Variants in EHBP1 observed in about 807,000 individuals in gnomAD.
EHBP1 encodes the protein EH domain binding protein 1, also known as EH domain-binding protein 1.
A neutral mutation model predicts 144.0 loss-of-function variants in EHBP1; 55 were observed. The ratio of observed to expected loss-of-function variants is 0.38; its 90% CI spans 0.31 to 0.48. The LOEUF (loss-of-function observed/expected upper bound fraction) is 0.48. Ranked by LOEUF, EHBP1 falls within the 20% of genes least tolerant of loss-of-function variation. EHBP1 has a pLI of 0.98. For missense variants in EHBP1, 1,200 were observed against 1,364.2 expected, an observed-to-expected ratio of 0.88 and a Z score of 1.90; for synonymous variants, 469 against 472.7, an observed-to-expected ratio of 0.99 and a Z score of 0.10.
rs548645163 is a variant in EHBP1, at chr2:62,759,567, G to A, written c.163-4699G>A. The stretch of plus-strand genomic sequence containing the variant: ...ATTACAGACGCCCACCACTATGCCG[G>A]CTAATTTTTGTATTTTCAGTAGAGA... On this transcript the variant is annotated intron_variant, in intron 3 of 22. Transcript: ENST00000431489. Among the ~76,000 whole-genome samples the A allele has an allele frequency of 2.3e-4, 35 of 152,050 alleles. No homozygotes were observed. The East Asian group carries it at 2.9e-3, about 13-fold the overall frequency.
intron 5 of EHBP1, among the ~76,000 whole-genome samples, chr2:62,818,582 G>T (rs772966359): frequency 6.6e-6 from 1 of 152,086 alleles, no homozygotes; most frequent in Non-Finnish European, 1.5e-5. Context: ...ATGCATGACT[G>T]TATAGCCTTA....
chr2:62,869,656 G>A (rs2050308559), intron 9 of EHBP1, among the ~76,000 whole-genome samples: 1 of 152,172 alleles, frequency 6.6e-6, no homozygotes, highest in Non-Finnish European at 1.5e-5. Flanking sequence ...GGGGCATGCA[G>A]GAAACTTTTG....
chr2:62,925,168 A>T (rs1245799292), intron 10 of EHBP1, among the ~76,000 whole-genome samples: 1 of 152,334 alleles, frequency 6.6e-6, no homozygotes, highest in South Asian at 2.1e-4. Context: ...ATTGTTCATG[A>T]TAAAACTCTT....
chr2:63,008,472 G>T (rs1437774246), intron 19 of EHBP1, among the ~76,000 whole-genome samples: 1 of 151,266 alleles, frequency 6.6e-6, no homozygotes, highest in Non-Finnish European at 1.5e-5. Flanking sequence ...TGAAAAAAAT[G>T]AAAAGTTTAG....
chr2:62,721,480 A>G, intron 2 of EHBP1, among the ~76,000 whole-genome samples: 1 of 152,228 alleles, frequency 6.6e-6, no homozygotes. Context: ...AGGGAGGAGA[A>G]TTAAGTTTCA....
At chr2:62,840,583 C>A (rs1311354139) in intron 7 of EHBP1, among the ~76,000 whole-genome samples, 2 of 151,492 alleles carry the variant, frequency 1.3e-5, no homozygotes, top group Non-Finnish European at 2.9e-5. Flanking sequence ...TTTTCGCAAC[C>A]TACTCATCTG....
intron 5 of EHBP1, among the ~76,000 whole-genome samples, chr2:62,824,534 A>G (rs563175567): frequency 6.6e-6 from 1 of 152,070 alleles, no homozygotes; most frequent in African/African-American, 2.4e-5. Context: ...GAACACTTGT[A>G]TTGTTTGGTA....
chr2:62,754,497 G>T (rs2040073409), intron 3 of EHBP1, among the ~76,000 whole-genome samples: 1 of 152,176 alleles, frequency 6.6e-6, no homozygotes, highest in South Asian at 2.1e-4. Context: ...CCTGCTAGGA[G>T]AACCACTACT....
At chr2:62,897,564 G>A (rs2053042118) in intron 10 of EHBP1, among the ~76,000 whole-genome samples, 1 of 152,122 alleles carries the variant, frequency 6.6e-6, no homozygotes, top group Non-Finnish European at 1.5e-5. Flanking sequence ...AAAAAATACT[G>A]TCTCTTTAGT....
intron 2 of EHBP1, among the ~76,000 whole-genome samples, chr2:62,741,409 T>C (rs1211294741): frequency 6.6e-6 from 1 of 152,124 alleles, no homozygotes; most frequent in Non-Finnish European, 1.5e-5. Context: ...TTTCATAATA[T>C]TGTTCAAAGG....
At chr2:62,881,418 G>GA (rs371288881) in intron 10 of EHBP1, among the ~76,000 whole-genome samples, 21,425 of 69,652 alleles carry the variant, frequency 0.31, 2,175 homozygotes, top group Non-Finnish European at 0.35. Flanking sequence ...AGGAAAAACG[G>GA]AAAAAAAAAA....
chr2:63,025,392 C>G (rs2060932195), intron 19 of EHBP1, among the ~76,000 whole-genome samples: 1 of 152,202 alleles, frequency 6.6e-6, no homozygotes, highest in Non-Finnish European at 1.5e-5. Context: ...CTCTGAGTGG[C>G]TGGTACTGCA....
intron 6 of EHBP1, among the ~76,000 whole-genome samples, chr2:62,828,006 T>C (rs1203069746): frequency 1.3e-5 from 2 of 152,186 alleles, no homozygotes; most frequent in African/African-American, 4.8e-5. Flanking sequence ...TTTGAAATTG[T>C]CTCCTGTTGA....
At chr2:62,683,326 G>C (rs1376336864) in intron 1 of EHBP1, among the ~76,000 whole-genome samples, 1 of 152,126 alleles carries the variant, frequency 6.6e-6, no homozygotes, top group Non-Finnish European at 1.5e-5. Context: ...GTCTTGGCTT[G>C]GGTCATGTGC....
At chr2:62,706,164 C>A in intron 1 of EHBP1, 112 bp downstream of exon 1, 1 of 153,428 alleles carries the variant, frequency 6.5e-6, no homozygotes, top group South Asian at 1.9e-4. Flanking sequence ...CACCGCCTGT[C>A]TCCGCTGGGG....
At chr2:62,782,935 G>A (rs1307279872) in intron 5 of EHBP1, among the ~76,000 whole-genome samples, 1 of 152,130 alleles carries the variant, frequency 6.6e-6, no homozygotes, top group African/African-American at 2.4e-5. Context: ...TCCGAGACAA[G>A]GCAAGTCCCT....
At position 62,782,571 on chromosome 2, in the gene EHBP1, C is replaced by T. The variant is rs140592328; in HGVS notation, c.312+11179C>T. 2.4e-4 allele frequency among the ~76,000 whole-genome samples: 37 copies of T among 152,216 alleles called. No individual in the cohort carries two copies. The East Asian group carries it at 5.6e-3, about 23-fold the overall frequency. On this transcript the variant is annotated intron_variant, in intron 5 of 22. Coordinates refer to ENST00000431489, the MANE Select transcript of EHBP1 (RefSeq NM_001142616.3). ...GGCTGGGGAGGCCTCAGGAAACTTA[C>T]AGTCATAGTGGAAGGCACCTCTTCA...
At chr2:63,000,697 C>A (rs1054781151) in intron 19 of EHBP1, among the ~76,000 whole-genome samples, 1 of 152,036 alleles carries the variant, frequency 6.6e-6, no homozygotes, top group African/African-American at 2.4e-5. Flanking sequence ...AAAACTCTGT[C>A]TCAAAACAAC....
intron 12 of EHBP1, among the ~76,000 whole-genome samples, chr2:62,947,258 T>C (rs772563904): frequency 6.6e-6 from 1 of 152,202 alleles, no homozygotes; most frequent in Non-Finnish European, 1.5e-5. Flanking sequence ...TTCTTACTTG[T>C]TCCATAATGT....
Sources: gnomAD v4.1 joint callset for allele counts (sites outside exome capture counted in the v4.1 genomes callset) on GRCh38, gnomAD v4.1.1 for gene constraint, MANE v1.5 for transcripts, NCBI Gene and HGNC (gene_info 2026-07-23, HGNC 2026-07-21) for gene names.